The following PPP1R9A variants were observed in gnomAD, a reference collection of about 807,000 sequenced individuals.
The protein encoded by PPP1R9A is neurabin-1.
In PPP1R9A, 59 loss-of-function variants were observed where a neutral mutation model predicts 141.9. That is an observed-to-expected ratio of 0.42 (90% CI 0.34 to 0.52). The LOEUF is 0.52. Ranked by LOEUF, PPP1R9A falls within the 20% of genes least tolerant of loss-of-function variation. The pLI, the probability that PPP1R9A is intolerant of heterozygous loss-of-function variation, is 0.10. For missense variants in PPP1R9A, 1,444 were observed against 1,611.9 expected (o/e 0.90, Z 1.78); for synonymous variants, 500 against 569.7 (o/e 0.88, Z 1.74).
At chr7:95,116,883 C>A (rs1821618553) in intron 3 of PPP1R9A, among the ~76,000 whole-genome samples, 1 of 152,098 alleles carries the variant, frequency 6.6e-6, no homozygotes, top group African/African-American at 2.4e-5. Context: ...ATATATGACA[C>A]ACATGATATT....
intron 2 of PPP1R9A, among the ~76,000 whole-genome samples, chr7:95,101,787 A>C (rs1422271528): frequency 4.6e-5 from 7 of 152,326 alleles, no homozygotes; most frequent in Non-Finnish European, 4.4e-5. Context: ...ATATAAATTG[A>C]CCTTTACTTT....
At chr7:95,164,152 C>T (rs1830838766) in intron 5 of PPP1R9A, among the ~76,000 whole-genome samples, 1 of 152,202 alleles carries the variant, frequency 6.6e-6, no homozygotes. Flanking sequence ...AAACCACCAA[C>T]CCATCTTCAA....
chr7:95,147,871 T>C (rs572776320), intron 4 of PPP1R9A, among the ~76,000 whole-genome samples: 1 of 152,214 alleles, frequency 6.6e-6, no homozygotes. Context: ...GGATAACTTT[T>C]TTGATGTGCT....
chr7:94,986,941 G>A (rs1800927604), intron 2 of PPP1R9A, among the ~76,000 whole-genome samples: 1 of 152,182 alleles, frequency 6.6e-6, no homozygotes, highest in South Asian at 2.1e-4. Flanking sequence ...ATAGGAGCTG[G>A]CCAGTAGGGT....
In PPP1R9A at chr7:94,996,093, C is replaced by A. The variant is rs1802130972; in HGVS notation, c.1395+84585C>A. On this transcript the variant is annotated intron_variant, in intron 2 of 19. Transcript: ENST00000433360. Reference sequence around the variant, plus strand: ...ATTTCTCCATAAATTACAATGTTTTCCAGTCTGGTAGAAGGACTGGATATA... The same window carrying A: ...ATTTCTCCATAAATTACAATGTTTTACAGTCTGGTAGAAGGACTGGATATA... Among the ~76,000 whole-genome samples the A allele has an allele frequency of 1.3e-5, 2 of 152,164 alleles. 1 individual carries two copies. The highest frequency in any genetic ancestry group is 4.1e-4 in the South Asian group (2 of 4,824).
At chr7:95,120,474 C>T (rs1822367664) in intron 3 of PPP1R9A, among the ~76,000 whole-genome samples, 2 of 152,138 alleles carry the variant, frequency 1.3e-5, no homozygotes, top group Admixed American at 6.5e-5. Context: ...TTTCTTGAGA[C>T]CACAGTGAAT....
intron 2 of PPP1R9A, among the ~76,000 whole-genome samples, chr7:94,970,116 C>G (rs536362672): frequency 4.5e-4 from 69 of 152,258 alleles, no homozygotes; most frequent in Admixed American, 6.5e-4. Flanking sequence ...AGCTAGACTG[C>G]TTGGCTCCCT....
chr7:95,046,295 G>A (rs1432100431), intron 2 of PPP1R9A, among the ~76,000 whole-genome samples: 1 of 151,960 alleles, frequency 6.6e-6, no homozygotes, highest in Non-Finnish European at 1.5e-5. Context: ...TGACAGGCTG[G>A]TCCTGAACTT....
intron 2 of PPP1R9A, among the ~76,000 whole-genome samples, chr7:95,088,512 C>T (rs1440856047): frequency 6.6e-6 from 1 of 151,916 alleles, no homozygotes; most frequent in African/African-American, 2.4e-5. Context: ...CCCGTGATTG[C>T]AAATGCTTGT....
chr7:95,007,625 A>G (rs1803805553), intron 2 of PPP1R9A, among the ~76,000 whole-genome samples: 1 of 152,220 alleles, frequency 6.6e-6, no homozygotes, highest in Non-Finnish European at 1.5e-5. Context: ...TTTTTATGTT[A>G]TAGCCTGTAT....
chr7:94,924,305 A>G (rs772308223), intron 2 of PPP1R9A, among the ~76,000 whole-genome samples: 2 of 152,170 alleles, frequency 1.3e-5, no homozygotes, highest in Non-Finnish European at 2.9e-5. Flanking sequence ...ATGTTTTTCC[A>G]TAGAGACTAT....
At chr7:95,065,323 C>G (rs1475776562) in intron 2 of PPP1R9A, among the ~76,000 whole-genome samples, 1 of 152,110 alleles carries the variant, frequency 6.6e-6, no homozygotes, top group Non-Finnish European at 1.5e-5. Context: ...CATGGGCCTC[C>G]CAAAGTACTA....
chr7:95,206,756 C>G (rs1160772612), intron 7 of PPP1R9A, among the ~76,000 whole-genome samples: 1 of 152,172 alleles, frequency 6.6e-6, no homozygotes, highest in Non-Finnish European at 1.5e-5. Flanking sequence ...TTCTTTCACT[C>G]ATCATAATGT....
At chr7:95,033,729 A>G (rs1808042987) in intron 2 of PPP1R9A, among the ~76,000 whole-genome samples, 2 of 151,774 alleles carry the variant, frequency 1.3e-5, no homozygotes, top group African/African-American at 2.4e-5. Flanking sequence ...TTTTTTCCAT[A>G]TGGACATCTA....
chr7:95,097,885 G>A (rs1038190571), intron 2 of PPP1R9A, among the ~76,000 whole-genome samples: 3 of 152,184 alleles, frequency 2.0e-5, no homozygotes, highest in Admixed American at 6.5e-5. Context: ...TTTACCACCA[G>A]GAATTGGTTT....
intron 2 of PPP1R9A, among the ~76,000 whole-genome samples, chr7:95,046,303 C>CTTCA (rs1810006796): frequency 6.6e-6 from 1 of 152,062 alleles, no homozygotes; most frequent in Non-Finnish European, 1.5e-5. Context: ...TGGTCCTGAA[C>CTTCA]TTCAAGTTCT....
intron 7 of PPP1R9A, among the ~76,000 whole-genome samples, chr7:95,217,223 A>T (rs1199450968): frequency 6.6e-6 from 1 of 152,204 alleles, no homozygotes; most frequent in African/African-American, 2.4e-5. Flanking sequence ...CTATTGAGAT[A>T]ATCATGTGGT....
intron 6 of PPP1R9A, among the ~76,000 whole-genome samples, chr7:95,200,298 G>T (rs1789265463): frequency 6.7e-6 from 1 of 149,020 alleles, no homozygotes; most frequent in Non-Finnish European, 1.5e-5. Context: ...ACAGGGTCTT[G>T]CTCTGCCACC....
chr7:94,939,817 TACACACACACACAC>T (rs4014722), intron 2 of PPP1R9A, among the ~76,000 whole-genome samples: 29 of 145,254 alleles, frequency 2.0e-4, no homozygotes, highest in Non-Finnish European at 3.8e-4. Context: ...TATATATGTG[TACACACACACACAC>T]ACACACACAC....
Sources: allele counts gnomAD v4.1 joint callset (sites outside exome capture counted in the v4.1 genomes callset), GRCh38; gene constraint gnomAD v4.1.1; transcripts MANE v1.5; gene names NCBI Gene and HGNC (gene_info 2026-07-23, HGNC 2026-07-21).